The following KCTD5 variants were observed in gnomAD, a reference collection of about 807,000 sequenced individuals.
The protein encoded by KCTD5 is potassium channel tetramerization domain containing 5.
In KCTD5, 12 loss-of-function variants were observed where a neutral mutation model predicts 27.9. The ratio of observed to expected loss-of-function variants is 0.43; its 90% confidence interval spans 0.28 to 0.70. KCTD5 has a LOEUF of 0.70. KCTD5 is among the 30% of genes least tolerant of loss of function. The pLI is 0.19. For missense variants in KCTD5, 226 were observed against 274.8 expected, an observed-to-expected ratio of 0.82 and a Z score of 1.26; for synonymous variants, 147 against 121.4, an observed-to-expected ratio of 1.21 and a Z score of -1.39.
chr16:2,693,961 AG>A (rs1325357597), intron 1 of KCTD5, among the ~76,000 whole-genome samples: 9 of 146,632 alleles, frequency 6.1e-5, no homozygotes, highest in Non-Finnish European at 1.2e-4. Context: ...TCCTGGGCAG[AG>A]GCGAGCCTCC....
intron 1 of KCTD5, chr16:2,683,267 T>C (rs1320734833): frequency 1.6e-4 from 25 of 153,960 alleles, no homozygotes; most frequent in Admixed American, 7.2e-4. Flanking sequence ...GGGGTTGATA[T>C]GGGCGGCCCT....
intron 5 of KCTD5, among the ~76,000 whole-genome samples, chr16:2,706,399 A>C (rs1016407311): frequency 1.3e-5 from 2 of 152,284 alleles, no homozygotes; most frequent in South Asian, 2.1e-4. Flanking sequence ...CACGTGACAC[A>C]TGGAGACAGC....
chr16:2,697,607 G>A (rs751528021), intron 2 of KCTD5, among the ~76,000 whole-genome samples: 2 of 152,236 alleles, frequency 1.3e-5, no homozygotes, highest in African/African-American at 2.4e-5. Context: ...TGTAAGCAGC[G>A]GCTCCATACC....
At chr16:2,682,836 C>T (rs748679552) in intron 1 of KCTD5, 36 bp downstream of exon 1, 4 of 1,540,934 alleles carry the variant, frequency 2.6e-6, no homozygotes, top group Admixed American at 2.2e-5. Flanking sequence ...AGGGTCCTGG[C>T]CTTCCCGGCC....
At chr16:2,705,935 C>T (rs1476301746) in intron 5 of KCTD5, among the ~76,000 whole-genome samples, 1 of 152,188 alleles carries the variant, frequency 6.6e-6, no homozygotes, top group African/African-American at 2.4e-5. Flanking sequence ...TCAGATGCCA[C>T]ACTGCTCCTG....
At chr16:2,705,550 G>T (rs566760718) in intron 5 of KCTD5, among the ~76,000 whole-genome samples, 1 of 152,282 alleles carries the variant, frequency 6.6e-6, no homozygotes, top group South Asian at 2.1e-4. Context: ...GGGCCAAGGG[G>T]TCAGGACCAG....
rs764166519 is a variant in KCTD5, at chr16:2,682,810, T to C, written c.252+10T>C. 2.5e-6 allele frequency: 4 copies of C among 1,585,622 alleles called. No homozygotes were observed. The South Asian group carries it at 3.4e-5, about 14-fold the overall frequency. On this transcript the variant is annotated intron_variant, in intron 1 of 5. Transcript: ENST00000301738. ...CCTGGACTCAGACAAGGTGAGGGCC[T>C]CACGGGCCAGCCCGGAGGGTCCTGG...
Position 2,682,854 on chromosome 16 carries a change from C to T in KCTD5, c.252+54C>T, listed in dbSNP as rs560663188. On this transcript the variant is annotated intron_variant, in intron 1 of 5. Transcript: ENST00000301738. The stretch of plus-strand genomic sequence containing the variant: ...GTCCTGGCCTTCCCGGCCTGCGGCT[C>T]CTGCACACGCCCTGCTTCGTGCGGA... The T allele has an allele frequency of 4.5e-5, 69 of 1,527,386 alleles. No homozygotes were observed. In the African/African-American group the frequency reaches 9.4e-4, roughly 21 times the overall value. 94.6% of individuals were successfully genotyped at this position (1,527,386 alleles called of 1,614,324 possible).
chr16:2,702,270 G>A lies in KCTD5; in HGVS notation c.550-83G>A, dbSNP rs928039427. 6.7e-5 allele frequency: 104 copies of A among 1,563,790 alleles called. 1 individual carries two copies. The Middle Eastern group carries it at 1.7e-3, about 26-fold the overall frequency. The stretch of plus-strand genomic sequence containing the variant: ...TTTGCTGTGGCTTTCGCGGTGGCAG[G>A]CGCGTCCTGAGGCTGGTCATGTCAG... On this transcript the variant is annotated intron_variant, in intron 4 of 5. Transcript: ENST00000301738.
intron 2 of KCTD5, among the ~76,000 whole-genome samples, 169 bp from the exon 3 acceptor site, chr16:2,697,737 G>A (rs2142056518): frequency 6.6e-6 from 1 of 152,322 alleles, no homozygotes; most frequent in South Asian, 2.1e-4. Flanking sequence ...GCCCTGCTGG[G>A]CTGACACGTC....
In KCTD5 at chr16:2,707,402, T is replaced by G; in HGVS notation, c.*75T>G. ...TAATGAACTGCCATGTCCAGGAAGCTTGGCTGTGAGAAGAAACCTGCTTTT... is the reference window on the plus strand; with the variant it reads ...TAATGAACTGCCATGTCCAGGAAGCGTGGCTGTGAGAAGAAACCTGCTTTT... On this transcript the variant is annotated 3_prime_UTR_variant, in exon 6 of 6. Coordinates refer to ENST00000301738, the MANE Select transcript of KCTD5 (RefSeq NM_018992.4). 1 of 1,473,118 alleles carries G rather than the reference T, an allele frequency of 6.8e-7. No individual in the cohort carries two copies. The highest frequency in any genetic ancestry group is 1.7e-5 in the Admixed American group (1 of 59,824). The allele number at this position is 1,473,118 out of a possible 1,614,324, so 91.3% of individuals were successfully genotyped here.
chr16:2,687,662 G>A (rs13331679), intron 1 of KCTD5, among the ~76,000 whole-genome samples: 10 of 152,270 alleles, frequency 6.6e-5, no homozygotes, highest in Admixed American at 5.2e-4. Context: ...GCCTGGTCTC[G>A]CCCCGGCCCT....
intron 5 of KCTD5, 94 bp downstream of exon 5, chr16:2,702,572 G>A (rs2067617167): frequency 2.7e-6 from 4 of 1,496,174 alleles, no homozygotes; most frequent in Non-Finnish European, 3.6e-6. Flanking sequence ...TTCTCATCAA[G>A]CTCCCGGTGT....
chr16:2,693,443 C>T (rs981661024), intron 1 of KCTD5, among the ~76,000 whole-genome samples: 1 of 152,232 alleles, frequency 6.6e-6, no homozygotes, highest in Non-Finnish European at 1.5e-5. Flanking sequence ...AAAGCCAGCC[C>T]CGCCCAGTGG....
At chr16:2,688,228 A>AATAT (rs772886064) in intron 1 of KCTD5, among the ~76,000 whole-genome samples, 35 of 84,570 alleles carry the variant, frequency 4.1e-4, no homozygotes, top group East Asian at 1.9e-3. Flanking sequence ...TAAATAAATA[A>AATAT]ATATATATAT....
chr16:2,696,305 C>G (rs922122795), intron 2 of KCTD5, among the ~76,000 whole-genome samples: 1 of 151,180 alleles, frequency 6.6e-6, no homozygotes. Context: ...TGTCCAGGCT[C>G]CGGCTGGCGA....
chr16:2,697,849 G>A (rs549225639), intron 2 of KCTD5, 57 bp from the exon 3 acceptor site: 33 of 1,257,960 alleles, frequency 2.6e-5, no homozygotes, highest in African/African-American at 2.2e-4. Flanking sequence ...GGTGTAAAGC[G>A]TGGATTCTTT....
chr16:2,698,595 C>A (rs7188658), intron 3 of KCTD5, among the ~76,000 whole-genome samples: 3 of 151,976 alleles, frequency 2.0e-5, no homozygotes, highest in Non-Finnish European at 2.9e-5. Flanking sequence ...CTGAGCCCGC[C>A]CCCCCCACCC....
chr16:2,699,517 C>T (rs986809808), intron 3 of KCTD5, among the ~76,000 whole-genome samples: 5 of 152,222 alleles, frequency 3.3e-5, no homozygotes, highest in Non-Finnish European at 5.9e-5. Flanking sequence ...GCGGAGCAGA[C>T]GTGGACGCTC....
Sources: allele counts gnomAD v4.1 joint callset (sites outside exome capture counted in the v4.1 genomes callset), GRCh38; gene constraint gnomAD v4.1.1; transcripts MANE v1.5; gene names NCBI Gene and HGNC (gene_info 2026-07-23, HGNC 2026-07-21).